The following ASCC3 variants were observed in gnomAD, a reference collection of about 807,000 sequenced individuals.
The protein encoded by ASCC3 is ASC-1 complex subunit P200.
ASCC3 carries 158 observed loss-of-function variants against 256.3 expected under a neutral mutation model. That is an observed-to-expected ratio of 0.62 (90% CI 0.54 to 0.70). The LOEUF (loss-of-function observed/expected upper bound fraction) is 0.70, where lower values mean the gene tolerates loss of function less well. Among genes scored for constraint, ASCC3 ranks in the 30% least tolerant of loss-of-function variants. The probability of loss-of-function intolerance (pLI) is 0.00; values close to 1 mark genes in which losing one functional copy is unlikely to be tolerated. For synonymous variants in ASCC3, 948 were observed against 883.4 expected, an observed-to-expected ratio of 1.07 and a Z score of -1.30; for missense variants, 2,259 against 2,626.0, an observed-to-expected ratio of 0.86 and a Z score of 3.05.
At chr6:100,591,354 T>C (rs1039641873) in intron 34 of ASCC3, among the ~76,000 whole-genome samples, 1 of 152,010 alleles carries the variant, frequency 6.6e-6, no homozygotes, top group East Asian at 1.9e-4. Context: ...GATACAAATA[T>C]CCAAAGTCAT....
intron 13 of ASCC3, among the ~76,000 whole-genome samples, chr6:100,702,238 C>T (rs1437344739): frequency 6.6e-6 from 1 of 152,024 alleles, no homozygotes; most frequent in Non-Finnish European, 1.5e-5. Context: ...AATGGGCAGA[C>T]TTAAGAGATA....
chr6:100,843,311 A>G (rs866445663), intron 4 of ASCC3, among the ~76,000 whole-genome samples: 17 of 152,168 alleles, frequency 1.1e-4, no homozygotes, highest in Admixed American at 6.5e-4. Context: ...CATCAGACAC[A>G]TATCTGGAGG....
chr6:100,656,559 AG>A (rs1424165902), intron 16 of ASCC3, among the ~76,000 whole-genome samples: 2 of 151,598 alleles, frequency 1.3e-5, no homozygotes, highest in African/African-American at 4.8e-5. Context: ...GTATCTTGAA[AG>A]AAAATATTTT....
chr6:100,649,298 G>A (rs186877152), intron 20 of ASCC3, among the ~76,000 whole-genome samples: 228 of 151,650 alleles, frequency 1.5e-3, no homozygotes, highest in Middle Eastern at 0.014. Context: ...TATTCATCCA[G>A]AACCCAGTAA....
rs778373627 is a variant in ASCC3 at position 100,642,673 on chromosome 6, C to T, written c.3809G>A (p.Arg1270Gln). ...ACCCAACCATCTATCAGACACTGCT[C>T]GGATGTAGTATTGGGAAGGCAAAGG... Reference protein sequence around the residue: ...FEPLPSQYYIRAVSDRWLGAE... With the variant: ...FEPLPSQYYIQAVSDRWLGAE... Residue 1270 changes from arginine to glutamine, a missense_variant, in exon 24 of 42, where the codon CGA (arginine) becomes CAA (glutamine). Physicochemically the swap from Arg to Gln is conservative, Grantham distance 43 (BLOSUM62 1). Coordinates refer to ENST00000369162, the MANE Select transcript of ASCC3 (RefSeq NM_006828.4). The T allele has an allele frequency of 4.3e-6, 7 of 1,613,848 alleles. No individual in the cohort carries two copies. Among genetic ancestry groups the T allele is most frequent in the South Asian group, 2.2e-5 (2 of 91,066 alleles).
At chr6:100,601,113 G>T (rs745354656) in intron 34 of ASCC3, among the ~76,000 whole-genome samples, 63 of 151,972 alleles carry the variant, frequency 4.1e-4, no homozygotes, top group Non-Finnish European at 7.9e-4. Context: ...AGTGCCTTCC[G>T]CCTTTTCTAC....
At chr6:100,639,899 G>A (rs1178766280) in intron 24 of ASCC3, among the ~76,000 whole-genome samples, 1 of 152,138 alleles carries the variant, frequency 6.6e-6, no homozygotes. Context: ...TGGATCACCT[G>A]AGGTCAGGAG....
At chr6:100,534,979 G>T (rs933863036) in intron 37 of ASCC3, among the ~76,000 whole-genome samples, 1 of 152,152 alleles carries the variant, frequency 6.6e-6, no homozygotes, top group Non-Finnish European at 1.5e-5. Flanking sequence ...GGAAATAAAA[G>T]AACTACTAAG....
At chr6:100,523,314 C>T (rs1774399525) in intron 37 of ASCC3, among the ~76,000 whole-genome samples, 1 of 151,904 alleles carries the variant, frequency 6.6e-6, no homozygotes, top group Non-Finnish European at 1.5e-5. Flanking sequence ...CAATAAAATG[C>T]CAACATACTC....
chr6:100,810,707 A>T lies in ASCC3; in HGVS notation c.802-4827T>A, dbSNP rs190059401. Among the ~76,000 whole-genome samples the T allele has an allele frequency of 3.0e-3, 460 of 152,304 alleles. 6 individuals are homozygous for T. Among genetic ancestry groups the T allele is most frequent in the South Asian group, 0.019 (94 of 4,830 alleles). ...AAAAGTCTTTTGGCAAACTCCAACCAACACAGGATGAAGATTAAGTTTTTG... is the reference window on the plus strand; with the variant it reads ...AAAAGTCTTTTGGCAAACTCCAACCTACACAGGATGAAGATTAAGTTTTTG... On this transcript the variant is annotated intron_variant, in intron 4 of 41. Transcript: ENST00000369162.
chr6:100,672,356 C>G (rs925397370), intron 14 of ASCC3, among the ~76,000 whole-genome samples: 13 of 151,986 alleles, frequency 8.6e-5, no homozygotes, highest in Non-Finnish European at 1.6e-4. Context: ...GGTCTTACCT[C>G]CTTCTAGGAG....
At chr6:100,746,895 A>G (rs1470435850) in intron 10 of ASCC3, among the ~76,000 whole-genome samples, 1 of 152,180 alleles carries the variant, frequency 6.6e-6, no homozygotes, top group African/African-American at 2.4e-5. Flanking sequence ...TATACAGTCA[A>G]TTTGTTTTCA....
intron 25 of ASCC3, among the ~76,000 whole-genome samples, chr6:100,633,229 C>G (rs915847591): frequency 1.3e-5 from 2 of 152,108 alleles, no homozygotes; most frequent in Non-Finnish European, 2.9e-5. Context: ...CTGTCCCACT[C>G]AATTCAGCCT....
chr6:100,870,019 A>T (rs1197780051), intron 1 of ASCC3, among the ~76,000 whole-genome samples: 1 of 152,178 alleles, frequency 6.6e-6, no homozygotes, highest in Non-Finnish European at 1.5e-5. Flanking sequence ...AACAGACCTC[A>T]AGGAGAAAGT....
In ASCC3 at chr6:100,713,056, C is replaced by T. The variant is rs557724021; in HGVS notation, c.2151+2406G>A. 3.3e-5 allele frequency among the ~76,000 whole-genome samples: 5 copies of T among 152,134 alleles called. 1 individual carries two copies. Among genetic ancestry groups the T allele is most frequent in the Admixed American group, 2.0e-4 (3 of 15,262 alleles). On this transcript the variant is annotated intron_variant, in intron 13 of 41. Coordinates refer to ENST00000369162, the MANE Select transcript of ASCC3 (RefSeq NM_006828.4). ...TACAGGCATGAGCCACCATGCCCAG[C>T]GCAATTATACTCTTTATTATTTACT...
At chr6:100,809,895 G>C (rs1367103918) in intron 4 of ASCC3, among the ~76,000 whole-genome samples, 1 of 152,042 alleles carries the variant, frequency 6.6e-6, no homozygotes, top group East Asian at 1.9e-4. Context: ...TTCCTTGAGA[G>C]TTAGTTAATA....
chr6:100,568,730 T>C (rs1770408233), intron 36 of ASCC3, among the ~76,000 whole-genome samples: 1 of 148,886 alleles, frequency 6.7e-6, no homozygotes, highest in African/African-American at 2.5e-5. Flanking sequence ...TTGCTGCAAT[T>C]GCTTTTGAGG....
At chr6:100,729,813 T>C (rs1779816469) in intron 10 of ASCC3, among the ~76,000 whole-genome samples, 2 of 152,196 alleles carry the variant, frequency 1.3e-5, no homozygotes, top group African/African-American at 4.8e-5. Flanking sequence ...ACATTTAAAA[T>C]TGATTTTGAA....
chr6:100,560,764 C>CACAA (rs1472986136), intron 36 of ASCC3, among the ~76,000 whole-genome samples: 2 of 149,124 alleles, frequency 1.3e-5, no homozygotes, highest in African/African-American at 5.1e-5. Context: ...CACACACACA[C>CACAA]ACACACACAC....
Sources: gnomAD v4.1 joint callset for allele counts (sites outside exome capture counted in the v4.1 genomes callset) on GRCh38, gnomAD v4.1.1 for gene constraint, MANE v1.5 for transcripts, NCBI Gene and HGNC (gene_info 2026-07-23, HGNC 2026-07-21) for gene names.